DNAH8: variants seen among roughly 807,000 people sequenced by gnomAD.
DNAH8 encodes dynein axonemal heavy chain 8.
A neutral mutation model predicts 562.1 loss-of-function variants in DNAH8; 382 were observed. That is an observed-to-expected ratio of 0.68 (90% confidence interval 0.63 to 0.74). The LOEUF is 0.74. Ranked by LOEUF, DNAH8 falls within the 30% of genes least tolerant of loss-of-function variation. DNAH8 has a pLI of 0.00. For missense variants in DNAH8, 5,203 were observed against 5,620.4 expected (o/e 0.93, Z 2.37); for synonymous variants, 1,881 against 1,919.4 (o/e 0.98, Z 0.52).
intron 80 of DNAH8, among the ~76,000 whole-genome samples, chr6:38,946,841 G>C (rs1041119900): frequency 6.6e-6 from 1 of 151,918 alleles, no homozygotes. Flanking sequence ...AAGTGATCTC[G>C]GTCTGATCAG....
rs554901790 is a variant in DNAH8, at chr6:38,722,882, C to T, written c.73C>T (p.Pro25Ser). Residue 25 changes from proline to serine, a missense_variant, in exon 2 of 93, where the codon CCT (proline) becomes TCT (serine). This residue lies in a region of DNAH8 where 556 missense variants were observed against 496.9 expected (regional missense o/e 1.12). Coordinates refer to ENST00000327475, the MANE Select transcript of DNAH8 (RefSeq NM_001206927.2). The stretch of plus-strand genomic sequence containing the variant: ...TCCTCCCTCTACGGAAGAGGCTGCC[C>T]CTCCCCGTTCAGAAGAGGAAGAGGC... Reference protein sequence around the residue: ...EAPPSTEEAAPPRSEEEEAPR... With the variant: ...EAPPSTEEAASPRSEEEEAPR... 1 of 1,611,764 alleles carries T rather than the reference C, an allele frequency of 6.2e-7. No individual in the cohort carries two copies. Among genetic ancestry groups the T allele is most frequent in the East Asian group, 2.2e-5 (1 of 44,844 alleles).
chr6:39,027,060 TAAAC>T (rs80110564), intron 92 of DNAH8, among the ~76,000 whole-genome samples: 7 of 151,114 alleles, frequency 4.6e-5, no homozygotes, highest in African/African-American at 1.2e-4. Flanking sequence ...GTCTCCACCA[TAAAC>T]AAACAAACAA....
At chr6:38,723,565 C>A (rs75203041) in intron 3 of DNAH8, 94 bp downstream of exon 3, 2 of 1,379,420 alleles carry the variant, frequency 1.4e-6, no homozygotes, top group Non-Finnish European at 1.9e-6. Context: ...ACAACAACAA[C>A]AAAAATCATT....
intron 91 of DNAH8, among the ~76,000 whole-genome samples, chr6:39,024,805 A>G (rs1288934869): frequency 2.0e-5 from 3 of 152,324 alleles, no homozygotes; most frequent in Admixed American, 2.0e-4. Flanking sequence ...AACATTTTGT[A>G]TCATAAAACC....
intron 81 of DNAH8, among the ~76,000 whole-genome samples, chr6:38,950,575 G>A (rs1416376955): frequency 6.6e-6 from 1 of 151,850 alleles, no homozygotes; most frequent in Non-Finnish European, 1.5e-5. Flanking sequence ...GAGTAGCTGG[G>A]ACTACAGGCG....
chr6:38,723,045 C>A lies in DNAH8; in HGVS notation c.236C>A (p.Ala79Glu). 1 of 1,612,868 alleles carries A rather than the reference C, an allele frequency of 6.2e-7. No homozygotes were observed. The highest frequency in any genetic ancestry group is 8.5e-7 in the Non-Finnish European group (1 of 1,179,884). Reference sequence around the variant, plus strand: ...ATAGTTCTTCCAGATGATCATGAAGCGGATCTGAATAGAGTTCGACAGAGG... The same window carrying A: ...ATAGTTCTTCCAGATGATCATGAAGAGGATCTGAATAGAGTTCGACAGAGG... ...EGIVLPDDHE[A>E]DLNRVRQRLA... is the part of the protein sequence containing the mutation. Residue 79 changes from alanine to glutamate, a missense_variant, in exon 2 of 93, where the codon GCG becomes GAG. By Grantham distance (107) the Ala-to-Glu change is moderately radical. Coordinates refer to ENST00000327475, the MANE Select transcript of DNAH8 (RefSeq NM_001206927.2).
At chr6:38,818,927 T>C (rs989906744) in intron 26 of DNAH8, among the ~76,000 whole-genome samples, 1 of 152,212 alleles carries the variant, frequency 6.6e-6, no homozygotes, top group African/African-American at 2.4e-5. Context: ...AGGCAGGTAA[T>C]TGTGATATAA....
chr6:38,933,240 G>T (rs1782695070), intron 76 of DNAH8, among the ~76,000 whole-genome samples: 1 of 151,972 alleles, frequency 6.6e-6, no homozygotes, highest in Non-Finnish European at 1.5e-5. Context: ...CTGTCTAAAG[G>T]TCCCCAGGGC....
chr6:38,852,687 C>G lies in DNAH8; in HGVS notation c.5467-7C>G. 6.2e-7 allele frequency: 1 copy of G among 1,608,464 alleles called. No homozygotes were observed. The highest frequency in any genetic ancestry group is 8.5e-7 in the Non-Finnish European group (1 of 1,176,054). On this transcript the variant is annotated splice_region_variant and splice_polypyrimidine_tract_variant and intron_variant, in intron 39 of 92. Transcript: ENST00000327475. ...CCTCATGTGTGACGTTTTCCTCTGT[C>G]TTACAGCCGCATCTCCCTGCAGTAT...
At chr6:38,980,917 C>T (rs1763991228) in intron 85 of DNAH8, among the ~76,000 whole-genome samples, 1 of 151,852 alleles carries the variant, frequency 6.6e-6, no homozygotes, top group Admixed American at 6.6e-5. Context: ...TGTTCATGAA[C>T]TTGTCCCAAC....
chr6:39,020,593 G>T (rs761661159), intron 91 of DNAH8, among the ~76,000 whole-genome samples: 1 of 152,130 alleles, frequency 6.6e-6, no homozygotes, highest in Non-Finnish European at 1.5e-5. Context: ...GTATACATGT[G>T]TCATGGTGGT....
chr6:38,825,263 C>T (rs1773217944), intron 28 of DNAH8, among the ~76,000 whole-genome samples: 1 of 152,028 alleles, frequency 6.6e-6, no homozygotes. Flanking sequence ...GCTCCACAGG[C>T]CTCTTAAGTT....
intron 76 of DNAH8, among the ~76,000 whole-genome samples, chr6:38,933,501 T>G (rs1782715760): frequency 6.6e-6 from 1 of 152,174 alleles, no homozygotes; most frequent in African/African-American, 2.4e-5. Context: ...GCCTCCTAGA[T>G]AAGGTTTACA....
Position 38,931,953 on chromosome 6 carries a change from A to G in DNAH8, c.11417A>G (p.Glu3806Gly), listed in dbSNP as rs374506197. The G allele has an allele frequency of 6.2e-6, 10 of 1,608,752 alleles. No individual in the cohort carries two copies. Among genetic ancestry groups the G allele is most frequent in the Non-Finnish European group, 8.5e-6 (10 of 1,178,152 alleles). Reference sequence around the variant, plus strand: ...TTCACTGTTACAATGAAAGGACTTGAGAATCAGTTACTAAGGAGAGTCATT... The same window carrying G: ...TTCACTGTTACAATGAAAGGACTTGGGAATCAGTTACTAAGGAGAGTCATT... ...IDFTVTMKGL[E>G]NQLLRRVILT... Residue 3806 changes from glutamate (E) to glycine (G), a missense_variant, in exon 76 of 93, where the codon GAG (glutamate) becomes GGG (glycine). Around this residue, in one of 6 missense-constraint regions of DNAH8, gnomAD observed 1,399 missense variants for 1,518.4 expected, o/e 0.92. Coordinates refer to ENST00000327475, the MANE Select transcript of DNAH8 (RefSeq NM_001206927.2).
At chr6:38,872,464 T>A in intron 49 of DNAH8, 72 bp from the exon 50 acceptor site, 1 of 1,502,142 alleles carries the variant, frequency 6.7e-7, no homozygotes, top group Non-Finnish European at 9.1e-7. Flanking sequence ...CCTTTAATCT[T>A]CAAGTAGCTA....
rs1776538348 is a variant in DNAH8, at chr6:38,860,543, G to C, written c.6045G>C (p.Val2015=). The change falls in exon 43 of 93, where the codon GTG becomes GTC. Residue 2015 remains valine (V), a synonymous_variant. Transcript: ENST00000327475. The part of the protein sequence containing the change: ...FYFKEDLDQT[V]VSITDVDFIY... Reference sequence around the variant, plus strand: ...TTAAGGAAGATTTGGATCAAACTGTGGTGTCTATTACAGATGTTGATTTTA... The same window carrying C: ...TTAAGGAAGATTTGGATCAAACTGTCGTGTCTATTACAGATGTTGATTTTA... 1 of 1,531,484 alleles carries C rather than the reference G, an allele frequency of 6.5e-7. No individual in the cohort carries two copies. Among genetic ancestry groups the C allele is most frequent in the South Asian group, 1.3e-5 (1 of 74,188 alleles). 94.9% of individuals were successfully genotyped at this position (1,531,484 alleles called of 1,614,324 possible).
chr6:38,881,765 G>T (rs558787389), intron 53 of DNAH8, among the ~76,000 whole-genome samples: 1 of 152,138 alleles, frequency 6.6e-6, no homozygotes, highest in Non-Finnish European at 1.5e-5. Flanking sequence ...TGGTCAGGCT[G>T]GTCGCGAACT....
intron 87 of DNAH8, among the ~76,000 whole-genome samples, chr6:38,986,007 G>A: frequency 6.6e-6 from 1 of 152,192 alleles, no homozygotes; most frequent in East Asian, 1.9e-4. Context: ...GATAAGATGT[G>A]GTGGGTGAGC....
chr6:38,795,654 G>GCC (rs1202933964), intron 21 of DNAH8, among the ~76,000 whole-genome samples: 1 of 151,966 alleles, frequency 6.6e-6, no homozygotes, highest in African/African-American at 2.4e-5. Flanking sequence ...CAAGCAGTAT[G>GCC]CCCAGTCACT....
Sources: gnomAD v4.1 joint callset for allele counts (sites outside exome capture counted in the v4.1 genomes callset) on GRCh38, gnomAD v4.1.1 for gene constraint, gnomAD v4.1.1 regional missense constraint, MANE v1.5 for transcripts, NCBI Gene and HGNC (gene_info 2026-07-23, HGNC 2026-07-21) for gene names.